GPCPD1: variants seen among roughly 807,000 people sequenced by gnomAD.
GPCPD1 encodes the protein glycerophosphocholine phosphodiesterase GPCPD1.
A neutral mutation model predicts 89.2 loss-of-function variants in GPCPD1; 29 were observed. The observed-to-expected ratio is 0.33, with a 90% CI of 0.24 to 0.44. The LOEUF is 0.44. GPCPD1 is among the 20% of genes least tolerant of loss of function. The probability of loss-of-function intolerance (pLI) is 1.00; values close to 1 mark genes in which losing one functional copy is unlikely to be tolerated. For synonymous variants in GPCPD1, 258 were observed against 266.3 expected (o/e 0.97, Z 0.30); for missense variants, 594 against 808.9 (o/e 0.73, Z 3.22).
intron 1 of GPCPD1, among the ~76,000 whole-genome samples, chr20:5,606,844 C>CAT (rs903173743): frequency 2.6e-5 from 4 of 152,166 alleles, no homozygotes; most frequent in African/African-American, 7.2e-5. Context: ...AATACATACA[C>CAT]ATATATATAT....
At position 5,549,283 on chromosome 20, in the gene GPCPD1, T is replaced by C. The variant is rs1249382152; in HGVS notation, c.1830-1433A>G. 1.0e-5 allele frequency: 9 copies of C among 891,010 alleles called. No homozygotes were observed. In the Admixed American group the frequency reaches 1.4e-4, roughly 14 times the overall value. The allele number at this position is 891,010 out of a possible 1,614,324, so 55.2% of individuals were successfully genotyped here. A position where few individuals can be genotyped will look rare whatever the true frequency, so the allele number is the denominator to read the frequency against. On this transcript the variant is annotated intron_variant, in intron 19 of 19. Coordinates refer to ENST00000379019, the MANE Select transcript of GPCPD1 (RefSeq NM_019593.5). ...GACTCAGTGATGATATATGTGCAGCTGTTCTTAATGTTAGAGCTAAAGGTG... is the reference window on the plus strand; with the variant it reads ...GACTCAGTGATGATATATGTGCAGCCGTTCTTAATGTTAGAGCTAAAGGTG...
chr20:5,545,582 G>A lies in GPCPD1; in HGVS notation c.*2079C>T, dbSNP rs1984992360. 6.6e-6 allele frequency: 1 copy of A among 152,482 alleles called. No individual in the cohort carries two copies. The highest frequency in any genetic ancestry group is 6.5e-5 in the Admixed American group (1 of 15,280). 9.4% of individuals were successfully genotyped at this position (152,482 alleles called of 1,614,324 possible). ...CACACGGGCACAGAGAGGAAGTCCAGGGCCAATGACAGGGACAGGGTGGCT... is the reference window on the plus strand; with the variant it reads ...CACACGGGCACAGAGAGGAAGTCCAAGGCCAATGACAGGGACAGGGTGGCT... On this transcript the variant is annotated 3_prime_UTR_variant, in exon 20 of 20. Transcript: ENST00000379019.
At chr20:5,580,738 AAAAAG>A (rs1978417069) in intron 6 of GPCPD1, among the ~76,000 whole-genome samples, 1 of 151,758 alleles carries the variant, frequency 6.6e-6, no homozygotes, top group South Asian at 2.1e-4. Flanking sequence ...AAAAAAAAAA[AAAAAG>A]AAAAAGAAAA....
intron 19 of GPCPD1, among the ~76,000 whole-genome samples, chr20:5,554,370 C>A (rs980946845): frequency 2.0e-5 from 3 of 152,166 alleles, no homozygotes; most frequent in Non-Finnish European, 4.4e-5. Context: ...ATGTCAATGC[C>A]TGGCTTCAAA....
chr20:5,591,299 C>G (rs1435162557), intron 4 of GPCPD1, among the ~76,000 whole-genome samples: 2 of 152,092 alleles, frequency 1.3e-5, no homozygotes, highest in African/African-American at 4.8e-5. Flanking sequence ...AGGAATATGC[C>G]AGAAAAAGCA....
intron 7 of GPCPD1, among the ~76,000 whole-genome samples, chr20:5,579,576 G>A (rs768772591): frequency 2.6e-5 from 4 of 152,106 alleles, no homozygotes; most frequent in South Asian, 2.1e-4. Context: ...TTGAACTCCC[G>A]ACCTCAGGTG....
At chr20:5,583,934 A>T (rs955758864) in intron 6 of GPCPD1, among the ~76,000 whole-genome samples, 2 of 152,258 alleles carry the variant, frequency 1.3e-5, no homozygotes, top group East Asian at 3.8e-4. Flanking sequence ...TTTAAAGTGC[A>T]ACAATTATAT....
chr20:5,604,402 G>A lies in GPCPD1; in HGVS notation c.11C>T (p.Ser4Phe). 1 of 1,567,096 alleles carries A rather than the reference G, an allele frequency of 6.4e-7. No individual in the cohort carries two copies. Among genetic ancestry groups the A allele is most frequent in the Non-Finnish European group, 8.8e-7 (1 of 1,141,210 alleles). Reference sequence around the variant, plus strand: ...TCCTCTTATTTCAAAGGCAACCTGAGAAGGTGTCATTCTGATGGATTTATT... The same window carrying A: ...TCCTCTTATTTCAAAGGCAACCTGAAAAGGTGTCATTCTGATGGATTTATT... MTPSQVAFEIRGTL... is the reference protein window; with the variant it reads MTPFQVAFEIRGTL... The change falls in exon 2 of 20, where the codon TCT becomes TTT. Residue 4 changes from serine to phenylalanine, a missense_variant. Coordinates refer to ENST00000379019, the MANE Select transcript of GPCPD1 (RefSeq NM_019593.5).
intron 1 of GPCPD1, among the ~76,000 whole-genome samples, chr20:5,610,397 GGTGA>G (rs1980884676): frequency 6.6e-6 from 1 of 152,090 alleles, no homozygotes; most frequent in Admixed American, 6.5e-5. Flanking sequence ...GTCAAAACAC[GGTGA>G]GTAACTTAGG....
intron 6 of GPCPD1, 37 bp from the exon 7 acceptor site, chr20:5,580,168 CAT>C (rs753791718): frequency 1.1e-5 from 13 of 1,193,004 alleles, no homozygotes; most frequent in East Asian, 2.4e-5. Flanking sequence ...AATTATTATA[CAT>C]GTTTTTTTAA....
chr20:5,575,025 C>T (rs1978286021), intron 10 of GPCPD1, among the ~76,000 whole-genome samples: 1 of 152,154 alleles, frequency 6.6e-6, no homozygotes, highest in African/African-American at 2.4e-5. Flanking sequence ...ACTAATATTC[C>T]TTGAGTTTAG....
At chr20:5,587,129 T>C (rs967270371) in intron 4 of GPCPD1, among the ~76,000 whole-genome samples, 3 of 152,218 alleles carry the variant, frequency 2.0e-5, no homozygotes, top group African/African-American at 7.2e-5. Flanking sequence ...TAATTTTCCT[T>C]TAATTTTTAA....
At chr20:5,598,697 T>C (rs1358340204) in intron 3 of GPCPD1, 28 bp downstream of exon 3, 2 of 1,298,580 alleles carry the variant, frequency 1.5e-6, no homozygotes, top group South Asian at 2.4e-5. Context: ...GTCACAGTTA[T>C]TCTGTAACCT....
chr20:5,580,018 AT>A lies in GPCPD1; in HGVS notation c.462del (p.Lys154AsnfsTer6). 2 of 1,534,160 alleles carry A rather than the reference AT, an allele frequency of 1.3e-6. No homozygotes were observed. Among genetic ancestry groups the A allele is most frequent in the Non-Finnish European group, 1.8e-6 (2 of 1,111,798 alleles). ...PVSITKKKLK[K>X]SRFRVKLTLE... ...TAAACATGGTCATACCTAAATCTAGATTTTTTTAATTTTTTCTTGGTTATTG... is the reference window on the plus strand; with the variant it reads ...TAAACATGGTCATACCTAAATCTAGATTTTTTAATTTTTTCTTGGTTATTG... On this transcript the variant is annotated frameshift_variant, in exon 7 of 20. Transcript: ENST00000379019. LOFTEE classifies it high-confidence loss of function.
chr20:5,606,307 C>T (rs923453359), intron 1 of GPCPD1, among the ~76,000 whole-genome samples: 6 of 152,184 alleles, frequency 3.9e-5, no homozygotes, highest in Admixed American at 3.3e-4. Context: ...CTTTGCCCCC[C>T]CCACCAATGT....
chr20:5,572,913 C>A (rs1330601397), intron 11 of GPCPD1, among the ~76,000 whole-genome samples: 2 of 151,946 alleles, frequency 1.3e-5, no homozygotes, highest in Admixed American at 6.6e-5. Context: ...ATTCTGTCAC[C>A]CAGGCTGGAG....
At position 5,576,050 on chromosome 20, in the gene GPCPD1, CACACACACACAG is replaced by C; in HGVS notation, c.706-84_706-73del. 4.7e-6 allele frequency: 3 copies of C among 637,488 alleles called. No homozygotes were observed. The East Asian group carries it at 8.3e-5, about 18-fold the overall frequency. The allele number at this position is 637,488 out of a possible 1,614,324, so 39.5% of individuals were successfully genotyped here. On this transcript the variant is annotated intron_variant, in intron 8 of 19. Transcript: ENST00000379019. ...TTACATACATACATATACACACACA[CACACACACACAG>C]ACACACACACACATATCTCCTATAT...
At chr20:5,568,816 G>A (rs1286276933) in intron 12 of GPCPD1, among the ~76,000 whole-genome samples, 1 of 152,088 alleles carries the variant, frequency 6.6e-6, no homozygotes, top group African/African-American at 2.4e-5. Context: ...AGGAGGCTGA[G>A]GCAGGAGAAT....
chr20:5,547,841 A>G lies in GPCPD1; in HGVS notation c.1839T>C (p.Asp613=), dbSNP rs201575876. The G allele has an allele frequency of 9.6e-5, 153 of 1,585,572 alleles. No individual in the cohort carries two copies. The East Asian group carries it at 2.9e-3, about 30-fold the overall frequency. Residue 613 remains aspartate, a synonymous_variant, in exon 20 of 20, where the codon GAT becomes GAC. Transcript: ENST00000379019. ...ATATATTTGGTTGTTCAGGCATCCAATCATATATCCTATGATGAAACAAAT... is the reference window on the plus strand; with the variant it reads ...ATATATTTGGTTGTTCAGGCATCCAGTCATATATCCTATGATGAAACAAAT... ...VNGLIYDRIY[D]WMPEQPNIFQ... is the part of the protein sequence containing the mutation.
Sources: gnomAD v4.1 joint callset for allele counts (sites outside exome capture counted in the v4.1 genomes callset) on GRCh38, gnomAD v4.1.1 for gene constraint, MANE v1.5 for transcripts, NCBI Gene and HGNC (gene_info 2026-07-23, HGNC 2026-07-21) for gene names.